Variants in CTNNA2 observed in about 807,000 individuals in gnomAD.
CTNNA2 encodes catenin alpha 2, also known as catenin alpha-2.
CTNNA2 carries 42 observed loss-of-function variants against 101.0 expected under a neutral mutation model. The ratio of observed to expected loss-of-function variants is 0.42; its 90% confidence interval spans 0.32 to 0.54. CTNNA2 has a LOEUF of 0.54. Among genes scored for constraint, CTNNA2 ranks in the 20% least tolerant of loss-of-function variants. The pLI, the probability that CTNNA2 is intolerant of heterozygous loss-of-function variation, is 0.14. For synonymous variants in CTNNA2, 450 were observed against 456.4 expected (o/e 0.99, Z 0.18); for missense variants, 871 against 1,223.1 (o/e 0.71, Z 4.29).
At chr2:79,373,013 A>G (rs1380152695) in intron 3 of CTNNA2, among the ~76,000 whole-genome samples, 25 of 152,226 alleles carry the variant, frequency 1.6e-4, no homozygotes, top group Admixed American at 1.5e-3. Context: ...GAACCTAATA[A>G]AAGATAATAA....
At chr2:79,403,663 C>T (rs777765350) in intron 4 of CTNNA2, among the ~76,000 whole-genome samples, 1 of 151,852 alleles carries the variant, frequency 6.6e-6, no homozygotes, top group Non-Finnish European at 1.5e-5. Flanking sequence ...AACTGGTTAT[C>T]AAGATTTCCA....
intron 9 of CTNNA2, among the ~76,000 whole-genome samples, chr2:80,472,202 T>C (rs1281323972): frequency 6.6e-6 from 1 of 151,406 alleles, no homozygotes; most frequent in Non-Finnish European, 1.5e-5. Context: ...GGGAGGCAAA[T>C]GGAAGGCAAG....
intron 18 of CTNNA2, among the ~76,000 whole-genome samples, chr2:80,620,685 A>G (rs776427596): frequency 3.3e-5 from 5 of 151,948 alleles, no homozygotes; most frequent in Non-Finnish European, 7.4e-5. Context: ...ACCTTCCATT[A>G]AAAGTACTAG....
intron 4 of CTNNA2, among the ~76,000 whole-genome samples, chr2:79,867,333 T>TCTA (rs1682192269): frequency 6.6e-6 from 1 of 150,794 alleles, no homozygotes; most frequent in Non-Finnish European, 1.5e-5. Context: ...CCCTTCAATA[T>TCTA]TCTATCTATC....
intron 6 of CTNNA2, among the ~76,000 whole-genome samples, chr2:79,903,882 T>G (rs185417587): frequency 6.6e-6 from 1 of 152,254 alleles, no homozygotes; most frequent in African/African-American, 2.4e-5. Context: ...AGCCTACACA[T>G]GAGACTGCAG....
rs148953643 is a variant in CTNNA2, at chr2:80,004,949, G to C, written c.1056+95152G>C. Among the ~76,000 whole-genome samples, 589 of 152,232 alleles carry C rather than the reference G, an allele frequency of 3.9e-3. 5 individuals carry two copies. The highest frequency in any genetic ancestry group is 0.014 in the African/African-American group (565 of 41,546). On this transcript the variant is annotated intron_variant, in intron 7 of 18. Transcript: ENST00000402739. ...AGCTCCTTGTAATCTGCTGGCCCCG[G>C]CCTCCCAAAGTGCTGGGATTACAGG... is the stretch of plus-strand genomic sequence containing the variant.
At chr2:79,493,475 G>A (rs897389052) in intron 4 of CTNNA2, among the ~76,000 whole-genome samples, 3 of 152,112 alleles carry the variant, frequency 2.0e-5, no homozygotes, top group Admixed American at 6.5e-5. Context: ...AATTAGCCAG[G>A]TGTGGTGGCA....
chr2:79,635,835 A>T (rs1001893651), intron 1 of CTNNA2, among the ~76,000 whole-genome samples: 1 of 151,800 alleles, frequency 6.6e-6, no homozygotes, highest in Non-Finnish European at 1.5e-5. Flanking sequence ...TTGACATATG[A>T]CCATAGGAGT....
chr2:80,630,617 C>T (rs1427540066), intron 18 of CTNNA2, among the ~76,000 whole-genome samples: 5 of 151,780 alleles, frequency 3.3e-5, no homozygotes, highest in Non-Finnish European at 4.4e-5. Flanking sequence ...AGCCTGGCAA[C>T]GGAGCAAGAC....
intron 8 of CTNNA2, among the ~76,000 whole-genome samples, chr2:80,396,686 A>G (rs1289487115): frequency 6.6e-6 from 1 of 152,174 alleles, no homozygotes; most frequent in Non-Finnish European, 1.5e-5. Context: ...TTGTACTTTT[A>G]TTAGTCCCTG....
chr2:79,334,561 G>A (rs1473363654), intron 3 of CTNNA2, among the ~76,000 whole-genome samples: 1 of 151,902 alleles, frequency 6.6e-6, no homozygotes, highest in Non-Finnish European at 1.5e-5. Context: ...AAGAGTTTGA[G>A]CTAATACAAT....
intron 2 of CTNNA2, among the ~76,000 whole-genome samples, chr2:79,285,919 A>T (rs374487879): frequency 0.017 from 2,295 of 138,990 alleles, 104 homozygotes; most frequent in African/African-American, 0.072. Flanking sequence ...CAGGACTTGC[A>T]TTATGAATCT....
At chr2:79,866,410 T>C (rs1327439656) in intron 4 of CTNNA2, 1 of 152,222 alleles carries the variant, frequency 6.6e-6, no homozygotes, top group Non-Finnish European at 1.5e-5. Flanking sequence ...CTGGCTGTAA[T>C]GTCCAAGATC....
chr2:79,775,206 A>G (rs901167030), intron 3 of CTNNA2, among the ~76,000 whole-genome samples: 1 of 152,212 alleles, frequency 6.6e-6, no homozygotes, highest in Non-Finnish European at 1.5e-5. Flanking sequence ...ATCTTTTAAT[A>G]TTCTATTTTA....
chr2:79,950,959 G>A (rs963890719), intron 7 of CTNNA2, among the ~76,000 whole-genome samples: 3 of 152,108 alleles, frequency 2.0e-5, no homozygotes, highest in African/African-American at 7.2e-5. Context: ...TGGGTTTAAG[G>A]ACTTATTTTA....
At chr2:80,504,502 G>T (rs1222484271) in intron 9 of CTNNA2, among the ~76,000 whole-genome samples, 1 of 152,124 alleles carries the variant, frequency 6.6e-6, no homozygotes, top group Non-Finnish European at 1.5e-5. Context: ...TAGGGGAGGG[G>T]ATTATACAGG....
At chr2:80,094,988 C>T (rs1194815749) in intron 7 of CTNNA2, among the ~76,000 whole-genome samples, 2 of 152,084 alleles carry the variant, frequency 1.3e-5, no homozygotes, top group African/African-American at 2.4e-5. Flanking sequence ...AATTGAGTGC[C>T]CTTTATTTCC....
At chr2:79,192,464 C>T (rs1321555717) in intron 1 of CTNNA2, among the ~76,000 whole-genome samples, 2 of 152,106 alleles carry the variant, frequency 1.3e-5, no homozygotes, top group African/African-American at 4.8e-5. Context: ...TAGACATCAA[C>T]TAACATGGAA....
chr2:79,507,169 G>A (rs957905907), intron 5 of CTNNA2, among the ~76,000 whole-genome samples: 3 of 152,168 alleles, frequency 2.0e-5, no homozygotes, highest in Non-Finnish European at 4.4e-5. Flanking sequence ...GAAAAATAAG[G>A]AGGCTGGATA....
Sources: allele counts gnomAD v4.1 joint callset (sites outside exome capture counted in the v4.1 genomes callset), GRCh38; gene constraint gnomAD v4.1.1; transcripts MANE v1.5; gene names NCBI Gene and HGNC (gene_info 2026-07-23, HGNC 2026-07-21).